DENND2C: variants seen among roughly 807,000 people sequenced by gnomAD.
The protein encoded by DENND2C is DENN domain containing 2C.
A neutral mutation model predicts 112.4 loss-of-function variants in DENND2C; 72 were observed. The observed-to-expected ratio is 0.64, with a 90% confidence interval of 0.53 to 0.78. The LOEUF is 0.78. DENND2C is among the 30% of genes least tolerant of loss of function. DENND2C has a pLI of 0.00. For missense variants in DENND2C, 992 were observed against 1,113.8 expected, an observed-to-expected ratio of 0.89 and a Z score of 1.56; for synonymous variants, 329 against 381.6, an observed-to-expected ratio of 0.86 and a Z score of 1.61.
At chr1:114,654,291 G>T (rs1009291818) in intron 2 of DENND2C, among the ~76,000 whole-genome samples, 12 of 152,078 alleles carry the variant, frequency 7.9e-5, no homozygotes, top group Non-Finnish European at 7.4e-5. Flanking sequence ...AATTAGCCGG[G>T]CGTGGTGGTG....
In DENND2C at chr1:114,657,354, T is replaced by C. The variant is rs182438553; in HGVS notation, c.-573-2593A>G. Among the ~76,000 whole-genome samples, 68 of 152,346 alleles carry C rather than the reference T, an allele frequency of 4.5e-4. 1 individual carries two copies. The highest frequency in any genetic ancestry group is 1.6e-3 in the African/African-American group (66 of 41,574). ...TTAAGATTATTTTTATACATCATCA[T>C]GTTCTGTTAGAATTGAGCTTTATAA... On this transcript the variant is annotated intron_variant, in intron 1 of 20. Transcript: ENST00000393274.
chr1:114,599,431 T>C lies in DENND2C; in HGVS notation c.2126A>G (p.His709Arg). ...CGGATACAGTGTAGCTACCACAGCA[T>C]GGCCACATTTTGACAGGGTGCTAGC... is the stretch of plus-strand genomic sequence containing the variant. ...NSLSTLSKCG[H>R]AVVATLYPFT... Residue 709 changes from histidine to arginine, a missense_variant, in exon 16 of 21, where the codon CAT (histidine) becomes CGT (arginine). Physicochemically the swap from His to Arg is conservative, Grantham distance 29. Around this residue, in one of 3 missense-constraint regions of DENND2C, gnomAD observed 516 missense variants for 623.6 expected, o/e 0.83. Transcript: ENST00000393274. 1 of 1,613,886 alleles carries C rather than the reference T, an allele frequency of 6.2e-7. No homozygotes were observed. The highest frequency in any genetic ancestry group is 1.7e-5 in the Admixed American group (1 of 60,012).
intron 7 of DENND2C, among the ~76,000 whole-genome samples, chr1:114,621,203 G>C (rs959352624): frequency 6.6e-6 from 1 of 152,124 alleles, no homozygotes; most frequent in Non-Finnish European, 1.5e-5. Flanking sequence ...CAAGAGGATT[G>C]CTTGAGGCCA....
At chr1:114,602,257 A>G (rs1435898107) in intron 11 of DENND2C, 63 bp from the exon 12 acceptor site, 3 of 1,557,896 alleles carry the variant, frequency 1.9e-6, no homozygotes, top group Non-Finnish European at 1.8e-6. Context: ...TCTCCATGGA[A>G]CAAACAATTG....
At chr1:114,657,621 T>C (rs1657370884) in intron 1 of DENND2C, among the ~76,000 whole-genome samples, 1 of 152,166 alleles carries the variant, frequency 6.6e-6, no homozygotes, top group African/African-American at 2.4e-5. Flanking sequence ...TGTTGGTCAT[T>C]AGGACTTGGA....
At chr1:114,601,133 G>C (rs1471800542) in intron 13 of DENND2C, among the ~76,000 whole-genome samples, 173 bp from the exon 14 acceptor site, 1 of 152,112 alleles carries the variant, frequency 6.6e-6, no homozygotes, top group Non-Finnish European at 1.5e-5. Flanking sequence ...CTCTTGGGAG[G>C]TATCATTATA....
chr1:114,603,050 A>C (rs1462414131), intron 11 of DENND2C, among the ~76,000 whole-genome samples: 1 of 152,234 alleles, frequency 6.6e-6, no homozygotes, highest in Admixed American at 6.5e-5. Flanking sequence ...ACTCATTAGA[A>C]ACATGGGCAA....
At chr1:114,611,778 A>ACAC (rs1553233994) in intron 8 of DENND2C, among the ~76,000 whole-genome samples, 1 of 148,278 alleles carries the variant, frequency 6.7e-6, no homozygotes, top group African/African-American at 2.5e-5. Flanking sequence ...GAGCACAGGC[A>ACAC]ACACACACAC....
At position 114,600,277 on chromosome 1, in the gene DENND2C, C is replaced by T; in HGVS notation, c.2032G>A (p.Val678Met). 6.2e-7 allele frequency: 1 copy of T among 1,614,112 alleles called. No homozygotes were observed. Among genetic ancestry groups the T allele is most frequent in the South Asian group, 1.1e-5 (1 of 91,070 alleles). The change falls in exon 15 of 21, where the codon GTG (valine) becomes ATG (methionine). Residue 678 changes from valine to methionine, a missense_variant. Val to Met is a conservative substitution (Grantham distance 21). This residue lies in a region of DENND2C where 516 missense variants were observed against 623.6 expected (regional missense o/e 0.83). Transcript: ENST00000393274. ...DFKCLFKCLS[V>M]CHLIRVCASL... ...GCACAGACCCGGATGAGATGACACA[C>T]ACTCAGGCACTTAAAGAGACATTTA...
chr1:114,618,445 CT>C lies in DENND2C; in HGVS notation c.1264del (p.Arg422GlufsTer6). 6.3e-7 allele frequency: 1 copy of C among 1,594,292 alleles called. No individual in the cohort carries two copies. ...LKIDDIFESK[R>X]GKKKVKLHSY... is the part of the protein sequence containing the mutation. ...ATGTAACTTTACCTTCTTCTTCCCT[CT>C]TTTAGATTCAAATATGTCATCTATT... On this transcript the variant is annotated frameshift_variant, in exon 8 of 21. Coordinates refer to ENST00000393274, the MANE Select transcript of DENND2C (RefSeq NM_001256404.2). LOFTEE classifies it high-confidence loss of function.
At chr1:114,587,315 G>A (rs779194103) in intron 20 of DENND2C, 72 bp downstream of exon 20, 18 of 1,540,946 alleles carry the variant, frequency 1.2e-5, no homozygotes, top group Non-Finnish European at 1.6e-5. Context: ...GCAAAGTGCT[G>A]GAATTACAGG....
intron 11 of DENND2C, among the ~76,000 whole-genome samples, chr1:114,603,265 C>T (rs1175474595): frequency 6.6e-6 from 1 of 151,896 alleles, no homozygotes; most frequent in African/African-American, 2.4e-5. Context: ...CTCAGCCTCC[C>T]GAGTAGTGGG....
intron 2 of DENND2C, among the ~76,000 whole-genome samples, chr1:114,652,661 CTTTTTTTTTTTTTTT>C (rs55647145): frequency 9.1e-6 from 1 of 109,854 alleles, no homozygotes; most frequent in Non-Finnish European, 1.7e-5. Flanking sequence ...CTTACATTTA[CTTTTTTTTTTTTTTT>C]TTTTTTTTTT....
At chr1:114,611,733 T>A (rs1284308987) in intron 8 of DENND2C, among the ~76,000 whole-genome samples, 1 of 151,802 alleles carries the variant, frequency 6.6e-6, no homozygotes, top group Non-Finnish European at 1.5e-5. Flanking sequence ...GGGGCTATCT[T>A]GTTTTCCCAA....
At chr1:114,602,743 G>C (rs542630599) in intron 11 of DENND2C, among the ~76,000 whole-genome samples, 1 of 151,850 alleles carries the variant, frequency 6.6e-6, no homozygotes, top group Non-Finnish European at 1.5e-5. Flanking sequence ...TTTTAATTTT[G>C]TGTAGAGATA....
At chr1:114,611,699 C>T (rs79608143) in intron 8 of DENND2C, among the ~76,000 whole-genome samples, 11 of 151,256 alleles carry the variant, frequency 7.3e-5, no homozygotes, top group Admixed American at 3.9e-4. Context: ...TTCCCCAATC[C>T]GATTTTAAGT....
intron 1 of DENND2C, among the ~76,000 whole-genome samples, chr1:114,655,878 G>GTATGTATATATATA (rs1553238217): frequency 1.0e-4 from 2 of 19,942 alleles, no homozygotes; most frequent in African/African-American, 3.5e-4. Flanking sequence ...ATATATATAT[G>GTATGTATATATATA]TATAAATATA....
At position 114,661,123 on chromosome 1, in the gene DENND2C, A is replaced by G. The variant is rs1008744711; in HGVS notation, c.-573-6362T>C. Among the ~76,000 whole-genome samples the G allele has an allele frequency of 1.1e-3, 173 of 151,816 alleles. 1 individual carries two copies. The highest frequency in any genetic ancestry group is 3.8e-3 in the African/African-American group (158 of 41,452). On this transcript the variant is annotated intron_variant, in intron 1 of 20. Coordinates refer to ENST00000393274, the MANE Select transcript of DENND2C (RefSeq NM_001256404.2). ...CTCCGTCTCAAAAAAAAAAAAAAAAAAAAGAAAAGAAAATCCTCCTTATTA... is the reference window on the plus strand; with the variant it reads ...CTCCGTCTCAAAAAAAAAAAAAAAAGAAAGAAAAGAAAATCCTCCTTATTA...
chr1:114,651,276 T>TACACACACACACAC (rs57202953), intron 2 of DENND2C, among the ~76,000 whole-genome samples: 137 of 139,364 alleles, frequency 9.8e-4, no homozygotes, highest in African/African-American at 2.6e-3. Context: ...TCCCTACACA[T>TACACACACACACAC]ACACACACAC....
Sources: allele counts gnomAD v4.1 joint callset (sites outside exome capture counted in the v4.1 genomes callset), GRCh38; gene constraint gnomAD v4.1.1; regional missense constraint gnomAD v4.1.1; transcripts MANE v1.5; gene names NCBI Gene and HGNC (gene_info 2026-07-23, HGNC 2026-07-21).